Variants in NFATC1 observed in about 807,000 individuals in gnomAD.
NFATC1 encodes nuclear factor of activated T cells 1, also known as nuclear factor of activated T-cells, cytoplasmic 1.
In NFATC1, 22 loss-of-function variants were observed where a neutral mutation model predicts 76.0. That is an observed-to-expected ratio of 0.29 (90% CI 0.21 to 0.41). The LOEUF is 0.41. NFATC1 is among the 10% of genes least tolerant of loss of function. NFATC1 has a pLI of 1.00. For synonymous variants in NFATC1, 704 were observed against 613.1 expected, an observed-to-expected ratio of 1.15 and a Z score of -2.19; for missense variants, 1,357 against 1,337.7, an observed-to-expected ratio of 1.01 and a Z score of -0.23.
At chr18:79,427,744 G>C (rs2086426693) in intron 2 of NFATC1, among the ~76,000 whole-genome samples, 1 of 99,876 alleles carries the variant, frequency 1.0e-5, no homozygotes, top group Non-Finnish European at 2.1e-5. Context: ...CCTCTGTGCA[G>C]TGGGTGGGGG....
chr18:79,408,267 C>T (rs552577661), intron 1 of NFATC1, among the ~76,000 whole-genome samples: 5 of 152,310 alleles, frequency 3.3e-5, no homozygotes, highest in African/African-American at 1.2e-4. Context: ...ATCTTCCAGC[C>T]AGTGCAGTTG....
At chr18:79,521,469 A>C (rs1389750584) in intron 9 of NFATC1, among the ~76,000 whole-genome samples, 7 of 30,678 alleles carry the variant, frequency 2.3e-4, no homozygotes, top group Middle Eastern at 0.036. Context: ...ACTGATGTGT[A>C]TGTGTGTGTG....
chr18:79,466,300 G>T (rs1008412901), intron 7 of NFATC1, among the ~76,000 whole-genome samples: 5 of 152,204 alleles, frequency 3.3e-5, no homozygotes, highest in African/African-American at 1.2e-4. Flanking sequence ...TAATACAATG[G>T]ATTTTTCTCC....
chr18:79,463,394 C>T (rs1413936738), intron 7 of NFATC1, among the ~76,000 whole-genome samples: 2 of 150,150 alleles, frequency 1.3e-5, no homozygotes, highest in East Asian at 1.9e-4. Flanking sequence ...CGGCCAGCCA[C>T]AGGCAAAGGC....
chr18:79,466,079 G>T (rs1013366652), intron 7 of NFATC1, among the ~76,000 whole-genome samples: 1 of 152,240 alleles, frequency 6.6e-6, no homozygotes, highest in South Asian at 2.1e-4. Context: ...GGGCCCAGTG[G>T]GGTGGGGAGC....
chr18:79,400,376 C>T lies in NFATC1; in HGVS notation c.127+4025C>T, dbSNP rs574071669. ...CCGCGACCCCGGCTCCCGCCCCGGC[C>T]CCGGCCCGACCCGCCATGACGGGGC... On this transcript the variant is annotated intron_variant, in intron 1 of 9. Transcript: ENST00000427363. The T allele has an allele frequency of 4.7e-5, 69 of 1,477,556 alleles. 1 individual carries two copies. The Admixed American group carries it at 1.3e-3, about 28-fold the overall frequency. The allele number at this position is 1,477,556 out of a possible 1,614,324, so 91.5% of individuals were successfully genotyped here.
intron 3 of NFATC1, among the ~76,000 whole-genome samples, chr18:79,447,936 A>G (rs1200895470): frequency 6.6e-6 from 1 of 152,228 alleles, no homozygotes; most frequent in African/African-American, 2.4e-5. Context: ...AACTCATCCC[A>G]CAGAACAGCT....
intron 2 of NFATC1, among the ~76,000 whole-genome samples, chr18:79,411,931 G>GC (rs1356608034): frequency 1.3e-5 from 2 of 152,176 alleles, no homozygotes; most frequent in Admixed American, 6.5e-5. Flanking sequence ...CACGTGCCTG[G>GC]CCCCCCTCGG....
chr18:79,458,521 G>A (rs1016160628), intron 6 of NFATC1, among the ~76,000 whole-genome samples: 2 of 152,224 alleles, frequency 1.3e-5, no homozygotes, highest in Non-Finnish European at 1.5e-5. Flanking sequence ...TCCTGGGCCC[G>A]CAGGCCTGCC....
Position 79,451,131 on chromosome 18 carries a change from G to A in NFATC1, c.1762+5G>A. On this transcript the variant is annotated splice_donor_5th_base_variant and intron_variant, in intron 5 of 9. Transcript: ENST00000427363. ...CCTCCAACCCCATCGAATGCTGTAA[G>A]TGGACGTCCACGCGCCCACAGGGGA... The A allele has an allele frequency of 6.2e-7, 1 of 1,605,126 alleles. No homozygotes were observed. The highest frequency in any genetic ancestry group is 8.5e-7 in the Non-Finnish European group (1 of 1,173,684).
chr18:79,492,708 CAAA>C (rs71338048), intron 9 of NFATC1, among the ~76,000 whole-genome samples: 6 of 118,862 alleles, frequency 5.0e-5, no homozygotes, highest in Non-Finnish European at 8.7e-5. Flanking sequence ...GACTCCATCT[CAAA>C]AAAAAAAAAA....
intron 2 of NFATC1, among the ~76,000 whole-genome samples, chr18:79,415,448 A>AT (rs1448061512): frequency 1.3e-5 from 2 of 150,280 alleles, no homozygotes; most frequent in Admixed American, 6.6e-5. Context: ...GCGCCCGGCT[A>AT]TTTTTTTGTA....
chr18:79,419,908 G>A (rs1046237595), intron 2 of NFATC1, among the ~76,000 whole-genome samples: 7 of 152,320 alleles, frequency 4.6e-5, no homozygotes, highest in Admixed American at 3.9e-4. Flanking sequence ...GCAAATTAAC[G>A]TTTTTTGGAT....
At position 79,523,535 on chromosome 18, in the gene NFATC1, G is replaced by T. The variant is rs559924633; in HGVS notation, c.2783-3993G>T. On this transcript the variant is annotated intron_variant, in intron 9 of 9. Coordinates refer to ENST00000427363, the MANE Select transcript of NFATC1 (RefSeq NM_001278669.2). ...CGCACAGCTAGTGAGAGCTTGCGTG[G>T]CCCCAGCAAGGGCACAGATAAGATT... Among the ~76,000 whole-genome samples the T allele has an allele frequency of 1.4e-4, 22 of 152,398 alleles. No individual in the cohort carries two copies. In the South Asian group the frequency reaches 4.6e-3, roughly 32 times the overall value.
At chr18:79,473,049 A>G (rs1175595810) in intron 8 of NFATC1, among the ~76,000 whole-genome samples, 1 of 152,224 alleles carries the variant, frequency 6.6e-6, no homozygotes, top group African/African-American at 2.4e-5. Context: ...GGACCCCTAC[A>G]CTGATGTTTC....
chr18:79,398,791 G>A (rs1371469606), intron 1 of NFATC1, among the ~76,000 whole-genome samples: 1 of 152,248 alleles, frequency 6.6e-6, no homozygotes, highest in Non-Finnish European at 1.5e-5. Flanking sequence ...TGTACAGGCC[G>A]GGCGCCGCGG....
intron 2 of NFATC1, among the ~76,000 whole-genome samples, chr18:79,413,429 G>T (rs958385954): frequency 6.6e-6 from 1 of 152,194 alleles, no homozygotes; most frequent in African/African-American, 2.4e-5. Context: ...TGTCTCCCTG[G>T]CTTGGAGGCG....
intron 9 of NFATC1, among the ~76,000 whole-genome samples, chr18:79,526,440 AGGCTGAGCTCCCACACGG>A (rs1180072296): frequency 6.6e-6 from 1 of 152,202 alleles, no homozygotes; most frequent in Non-Finnish European, 1.5e-5. Flanking sequence ...GTCTTTACAG[AGGCTGAGCTCCCACACGG>A]GACAGAGTCG....
At chr18:79,498,461 C>T (rs973260624) in intron 9 of NFATC1, 13 of 150,898 alleles carry the variant, frequency 8.6e-5, no homozygotes, top group African/African-American at 2.9e-4. Context: ...AAGAATCAAA[C>T]GTAAAAATCA....
Sources: gnomAD v4.1 joint callset for allele counts (sites outside exome capture counted in the v4.1 genomes callset) on GRCh38, gnomAD v4.1.1 for gene constraint, MANE v1.5 for transcripts, NCBI Gene and HGNC (gene_info 2026-07-23, HGNC 2026-07-21) for gene names.